PDE4D: variants seen among roughly 807,000 people sequenced by gnomAD.
PDE4D encodes the protein phosphodiesterase 4D.
A neutral mutation model predicts 87.4 loss-of-function variants in PDE4D; 24 were observed. That is an observed-to-expected ratio of 0.27 (90% CI 0.20 to 0.39). PDE4D has a LOEUF of 0.39. PDE4D is among the 10% of genes least tolerant of loss of function. The probability of loss-of-function intolerance (pLI) is 1.00; values close to 1 mark genes in which losing one functional copy is unlikely to be tolerated. For synonymous variants in PDE4D, 384 were observed against 383.2 expected (o/e 1.00, Z -0.02); for missense variants, 714 against 1,041.0 (o/e 0.69, Z 4.32).
intron 1 of PDE4D, among the ~76,000 whole-genome samples, chr5:60,343,373 A>G (rs1229908901): frequency 2.0e-5 from 3 of 152,192 alleles, no homozygotes; most frequent in African/African-American, 7.2e-5. Context: ...ATTAGAAACA[A>G]TCTCATAGCA....
In PDE4D at chr5:59,807,083, G is replaced by A. The variant is rs76819462; in HGVS notation, c.455+86085C>T. On this transcript the variant is annotated intron_variant, in intron 1 of 14. Transcript: ENST00000340635. Reference sequence around the variant, plus strand: ...TGATAATGACCTAGTAGCAACCAACGAGCCCCTTTCTGGCCAGCACTGTGA... The same window carrying A: ...TGATAATGACCTAGTAGCAACCAACAAGCCCCTTTCTGGCCAGCACTGTGA... 2.2e-3 allele frequency among the ~76,000 whole-genome samples: 335 copies of A among 152,176 alleles called. 1 individual carries two copies. The highest frequency in any genetic ancestry group is 7.7e-3 in the African/African-American group (320 of 41,494).
intron 1 of PDE4D, among the ~76,000 whole-genome samples, chr5:59,285,896 C>T (rs1766854561): frequency 6.6e-6 from 1 of 152,154 alleles, no homozygotes; most frequent in Non-Finnish European, 1.5e-5. Context: ...TGCATCCTGG[C>T]CAGTCTTTAA....
chr5:59,648,720 CA>C (rs34222734), intron 1 of PDE4D, among the ~76,000 whole-genome samples: 87,880 of 140,610 alleles, frequency 0.62, 26,675 homozygotes, highest in South Asian at 0.81. Flanking sequence ...CATCTAACCT[CA>C]AAAAAAAAAA....
intron 5 of PDE4D, among the ~76,000 whole-genome samples, chr5:59,159,477 G>T (rs1780727756): frequency 6.6e-6 from 1 of 152,080 alleles, no homozygotes; most frequent in South Asian, 2.1e-4. Flanking sequence ...AAGTCCTTGG[G>T]GGTAGGACTA....
intron 1 of PDE4D, among the ~76,000 whole-genome samples, chr5:59,625,499 G>C (rs1399482852): frequency 6.7e-6 from 1 of 148,892 alleles, no homozygotes; most frequent in African/African-American, 2.5e-5. Flanking sequence ...AAAGAGCTGC[G>C]ACATTAAAAA....
intron 1 of PDE4D, among the ~76,000 whole-genome samples, chr5:59,681,614 G>A (rs1023049083): frequency 2.0e-5 from 3 of 151,944 alleles, no homozygotes; most frequent in Non-Finnish European, 2.9e-5. Flanking sequence ...AAAAGAATGA[G>A]TTTGGGCCAG....
chr5:59,424,660 G>A (rs761730777), intron 1 of PDE4D, among the ~76,000 whole-genome samples: 1 of 152,094 alleles, frequency 6.6e-6, no homozygotes, highest in Non-Finnish European at 1.5e-5. Flanking sequence ...GAGCAGCATG[G>A]GGAAACTGCC....
chr5:59,227,383 A>G (rs1035247798), intron 1 of PDE4D, among the ~76,000 whole-genome samples: 2 of 151,796 alleles, frequency 1.3e-5, no homozygotes. Flanking sequence ...GCAAAAATTG[A>G]CAAATGGAAC....
At chr5:59,296,899 G>T (rs1769220164) in intron 1 of PDE4D, among the ~76,000 whole-genome samples, 1 of 152,128 alleles carries the variant, frequency 6.6e-6, no homozygotes, top group Non-Finnish European at 1.5e-5. Flanking sequence ...GATAAATGGA[G>T]TATTTTTCTC....
chr5:59,819,797 G>T (rs1228041134), intron 1 of PDE4D, among the ~76,000 whole-genome samples: 1 of 152,094 alleles, frequency 6.6e-6, no homozygotes, highest in Non-Finnish European at 1.5e-5. Flanking sequence ...GAGAGGAGGT[G>T]GTAAAAAAGA....
chr5:60,360,017 C>G (rs1759925661), intron 1 of PDE4D, among the ~76,000 whole-genome samples: 1 of 152,188 alleles, frequency 6.6e-6, no homozygotes, highest in Admixed American at 6.5e-5. Context: ...AAAACACAAT[C>G]TCGAACACCG....
In PDE4D at chr5:59,180,625, G is replaced by C; in HGVS notation, c.778C>G (p.Gln260Glu). 1 of 1,613,248 alleles carries C rather than the reference G, an allele frequency of 6.2e-7. No individual in the cohort carries two copies. Among genetic ancestry groups the C allele is most frequent in the Non-Finnish European group, 8.5e-7 (1 of 1,179,530 alleles). Reference sequence around the variant, plus strand: ...ATGGTGGCTTTGTTGATGGATGGTTGGTTGCACATGGGTGATCTTCTGACA... The same window carrying C: ...ATGGTGGCTTTGTTGATGGATGGTTCGTTGCACATGGGTGATCTTCTGACA... The part of the protein sequence containing the change: ...APSKRSPMCN[Q>E]PSINKATITE... The change falls in exon 5 of 15, where the codon CAA becomes GAA. Residue 260 changes from glutamine (Q) to glutamate (E), a missense_variant. By Grantham distance (29) the Gln-to-Glu change is conservative. Coordinates refer to ENST00000340635, the MANE Select transcript of PDE4D (RefSeq NM_001104631.2).
rs188501606 is a variant in PDE4D at position 59,336,268 on chromosome 5, C to T, written c.456-120300G>A. On this transcript the variant is annotated intron_variant, in intron 1 of 14. Transcript: ENST00000340635. ...AGCCATTAGGGAAGGTATAATTTCA[C>T]AAGGCAAGACAGCCAAGGAAAGTGA... Among the ~76,000 whole-genome samples, 3 of 152,280 alleles carry T rather than the reference C, an allele frequency of 2.0e-5. No individual in the cohort carries two copies. In the East Asian group the frequency reaches 5.8e-4, roughly 29 times the overall value.
At chr5:60,306,932 CATAG>C (rs1418781148) in intron 1 of PDE4D, among the ~76,000 whole-genome samples, 1 of 152,020 alleles carries the variant, frequency 6.6e-6, no homozygotes, top group African/African-American at 2.4e-5. Context: ...TATTCCACAA[CATAG>C]ATAAACAATG....
intron 2 of PDE4D, among the ~76,000 whole-genome samples, chr5:60,042,208 C>T (rs988460193): frequency 6.6e-6 from 1 of 152,146 alleles, no homozygotes; most frequent in Non-Finnish European, 1.5e-5. Flanking sequence ...AAACTGGGCT[C>T]AGCTCCACAA....
At chr5:59,257,531 C>A (rs1381643309) in intron 1 of PDE4D, among the ~76,000 whole-genome samples, 1 of 152,016 alleles carries the variant, frequency 6.6e-6, no homozygotes, top group Non-Finnish European at 1.5e-5. Context: ...ACTATTCCAA[C>A]CATTTGGTAG....
chr5:59,366,270 G>A lies in PDE4D; in HGVS notation c.456-150302C>T, dbSNP rs1783040609. 2.0e-5 allele frequency among the ~76,000 whole-genome samples: 3 copies of A among 151,904 alleles called. No homozygotes were observed. In the South Asian group the frequency reaches 6.2e-4, roughly 31 times the overall value. On this transcript the variant is annotated intron_variant, in intron 1 of 14. Transcript: ENST00000340635. ...ATAAGTCTCTATGTTTTCTTCTGGA[G>A]TCTATTTTGAAGGGTGGACTTTGTA...
At chr5:59,608,370 G>A (rs1208962008) in intron 1 of PDE4D, among the ~76,000 whole-genome samples, 1 of 152,156 alleles carries the variant, frequency 6.6e-6, no homozygotes, top group East Asian at 1.9e-4. Context: ...TATTTGCTGT[G>A]TATTATGTCT....
intron 1 of PDE4D, among the ~76,000 whole-genome samples, chr5:60,220,501 T>G (rs1417168065): frequency 3.9e-5 from 6 of 152,124 alleles, no homozygotes; most frequent in Admixed American, 1.3e-4. Flanking sequence ...TATCCTGATT[T>G]TATTGGTCTA....
Sources: gnomAD v4.1 joint callset for allele counts (sites outside exome capture counted in the v4.1 genomes callset) on GRCh38, gnomAD v4.1.1 for gene constraint, MANE v1.5 for transcripts, NCBI Gene and HGNC (gene_info 2026-07-23, HGNC 2026-07-21) for gene names.